Variants in SEMA3D observed in about 807,000 individuals in gnomAD.
SEMA3D encodes semaphorin-3D.
Under a neutral mutation model 100.1 loss-of-function variants are expected in SEMA3D, and 84 were observed. That is an observed-to-expected ratio of 0.84 (90% CI 0.70 to 1.01). SEMA3D has a LOEUF of 1.01. Ranked by LOEUF, SEMA3D falls within the 50% of genes least tolerant of loss-of-function variation. SEMA3D has a pLI of 0.00. For missense variants in SEMA3D, 875 were observed against 934.1 expected (o/e 0.94, Z 0.82); for synonymous variants, 312 against 320.7 (o/e 0.97, Z 0.29).
At chr7:85,068,505 T>C (rs1393228685) in intron 6 of SEMA3D, among the ~76,000 whole-genome samples, 2 of 152,112 alleles carry the variant, frequency 1.3e-5, no homozygotes, top group Non-Finnish European at 2.9e-5. Context: ...AATATAATAC[T>C]GAGTGAATTT....
At chr7:85,014,166 GA>G (rs1790033094) in intron 16 of SEMA3D, among the ~76,000 whole-genome samples, 3 of 151,602 alleles carry the variant, frequency 2.0e-5, no homozygotes. Context: ...ATTCCAAAAA[GA>G]AAAAAGTGTA....
At chr7:85,130,053 G>A (rs1789680252) in intron 2 of SEMA3D, among the ~76,000 whole-genome samples, 1 of 151,910 alleles carries the variant, frequency 6.6e-6, no homozygotes, top group Non-Finnish European at 1.5e-5. Flanking sequence ...AACACCTTAG[G>A]GAAGTAAACA....
chr7:85,020,371 G>T, intron 13 of SEMA3D, 50 bp from the exon 14 acceptor site: 1 of 1,353,894 alleles, frequency 7.4e-7, no homozygotes, highest in Non-Finnish European at 1.1e-6. Context: ...TCAAAAATTA[G>T]TGGTAAGCAT....
intron 9 of SEMA3D, among the ~76,000 whole-genome samples, chr7:85,042,679 T>G (rs1023069303): frequency 6.6e-6 from 1 of 152,120 alleles, no homozygotes; most frequent in African/African-American, 2.4e-5. Context: ...TAATTTTTGT[T>G]GTTGTTTTTC....
chr7:85,015,362 G>T (rs1790069448), intron 15 of SEMA3D, 146 bp from the exon 16 acceptor site: 2 of 618,578 alleles, frequency 3.2e-6, no homozygotes, highest in Admixed American at 3.1e-5. Flanking sequence ...AACATAATGA[G>T]GAGTAAAATA....
chr7:85,234,035 G>T, the SEMA3D span, among the ~76,000 whole-genome samples: 1 of 152,290 alleles, frequency 6.6e-6, no homozygotes, highest in African/African-American at 2.4e-5. Context: ...GATAATGTTA[G>T]AGAATGTATT....
the SEMA3D span, among the ~76,000 whole-genome samples, chr7:85,249,093 A>G: frequency 1.3e-5 from 2 of 152,184 alleles, no homozygotes; most frequent in African/African-American, 4.8e-5. Flanking sequence ...GCAGGGGCAT[A>G]TGGTATCTCT....
chr7:85,151,219 T>G (rs531859345), intron 2 of SEMA3D, among the ~76,000 whole-genome samples: 1 of 151,858 alleles, frequency 6.6e-6, no homozygotes, highest in Non-Finnish European at 1.5e-5. Flanking sequence ...TAAACCTGAA[T>G]AGAGAAAGTG....
intron 9 of SEMA3D, among the ~76,000 whole-genome samples, chr7:85,052,516 A>C (rs575167854): frequency 6.6e-6 from 1 of 152,048 alleles, no homozygotes; most frequent in South Asian, 2.1e-4. Context: ...ACAAACAAAA[A>C]ACAACTGTCA....
intron 4 of SEMA3D, among the ~76,000 whole-genome samples, chr7:85,096,863 G>C (rs903297680): frequency 3.3e-5 from 5 of 151,792 alleles, no homozygotes; most frequent in Non-Finnish European, 1.5e-5. Context: ...AAAGTCCAAA[G>C]TCCTAGGATG....
intron 8 of SEMA3D, 148 bp from the exon 9 acceptor site, chr7:85,056,007 A>G (rs1791308862): frequency 4.2e-6 from 2 of 471,658 alleles, no homozygotes; most frequent in African/African-American, 2.0e-5. Flanking sequence ...TGTGTATACA[A>G]ATGAAGATGA....
At chr7:85,210,088 A>G in the SEMA3D span, among the ~76,000 whole-genome samples, 1 of 152,072 alleles carries the variant, frequency 6.6e-6, no homozygotes, top group African/African-American at 2.4e-5. Context: ...AGGTCACACC[A>G]TTAACTAATG....
At chr7:85,027,749 G>T (rs1020064689) in intron 12 of SEMA3D, 4 of 357,382 alleles carry the variant, frequency 1.1e-5, no homozygotes, top group South Asian at 4.9e-5. Flanking sequence ...TTAAACAAGG[G>T]TCTCATTGAA....
chr7:85,153,586 T>A (rs1293331567), intron 2 of SEMA3D, 22 bp downstream of exon 2: 2 of 151,108 alleles, frequency 1.3e-5, no homozygotes, highest in Admixed American at 6.6e-5. Context: ...TCTATTGAGG[T>A]TTATTTAAGA....
At chr7:85,141,976 A>AT (rs1397216907) in intron 2 of SEMA3D, 1 of 982,418 alleles carries the variant, frequency 1.0e-6, no homozygotes, top group Non-Finnish European at 1.2e-6. Context: ...GAGTTAAAAA[A>AT]TGCATTAACC....
chr7:85,139,040 T>A (rs1227064875), intron 2 of SEMA3D, among the ~76,000 whole-genome samples: 1 of 152,052 alleles, frequency 6.6e-6, no homozygotes, highest in Non-Finnish European at 1.5e-5. Context: ...GTCATAAGTA[T>A]AAGGGTGGCA....
At position 84,996,887 on chromosome 7, in the gene SEMA3D, T is replaced by C. The variant is rs1159271898; in HGVS notation, c.*2553A>G. On this transcript the variant is annotated 3_prime_UTR_variant, in exon 19 of 19. Transcript: ENST00000284136. ...GGAAGTATATAGTGTGTTTGTGGATTTAATATATTCATACTCTTTCTCTAA... is the reference window on the plus strand; with the variant it reads ...GGAAGTATATAGTGTGTTTGTGGATCTAATATATTCATACTCTTTCTCTAA... The C allele has an allele frequency of 3.9e-5, 6 of 152,002 alleles. No individual in the cohort carries two copies. In the East Asian group the frequency reaches 1.2e-3, roughly 29 times the overall value. 9.4% of individuals were successfully genotyped at this position (152,002 alleles called of 1,614,324 possible).
intron 12 of SEMA3D, among the ~76,000 whole-genome samples, chr7:85,024,063 C>T (rs1790325735): frequency 6.6e-6 from 1 of 151,934 alleles, no homozygotes; most frequent in African/African-American, 2.4e-5. Flanking sequence ...TCTGCACGTT[C>T]AGTCATTATT....
chr7:85,225,040 T>A, the SEMA3D span, among the ~76,000 whole-genome samples: 15,094 of 124,810 alleles, frequency 0.12, 2,348 homozygotes, highest in African/African-American at 0.35. Context: ...TCACTGCTCC[T>A]GATTTTCTTT....
Sources: allele counts gnomAD v4.1 joint callset (sites outside exome capture counted in the v4.1 genomes callset), GRCh38; gene constraint gnomAD v4.1.1; transcripts MANE v1.5; gene names NCBI Gene and HGNC (gene_info 2026-07-23, HGNC 2026-07-21).